Variants in VASP observed in about 807,000 individuals in gnomAD.
VASP encodes the protein vasodilator-stimulated phosphoprotein.
A neutral mutation model predicts 54.4 loss-of-function variants in VASP; 27 were observed. The observed-to-expected ratio is 0.50, with a 90% CI of 0.37 to 0.68. The LOEUF (loss-of-function observed/expected upper bound fraction) is 0.68, where lower values mean the gene tolerates loss of function less well. Ranked by LOEUF, VASP falls within the 30% of genes least tolerant of loss-of-function variation. VASP has a pLI of 0.00. For synonymous variants in VASP, 233 were observed against 209.8 expected, an observed-to-expected ratio of 1.11 and a Z score of -0.96; for missense variants, 488 against 528.3, an observed-to-expected ratio of 0.92 and a Z score of 0.75.
At position 45,522,412 on chromosome 19, in the gene VASP, CA is replaced by C; in HGVS notation, c.552del (p.Pro186GlnfsTer82). ...PGPPPPPGPP[P>X]PPGLPPSGVP... ...CCTCCCCCTCCTCCAGGTCCCCCCC[CA>C]CCCCCAGGTTTGCCCCCTTCGGGGG... is the stretch of plus-strand genomic sequence containing the variant. On this transcript the variant is annotated frameshift_variant, in exon 6 of 13. Transcript: ENST00000245932. LOFTEE classifies it high-confidence loss of function. 2 of 1,531,922 alleles carry C rather than the reference CA, an allele frequency of 1.3e-6. No individual in the cohort carries two copies. Among genetic ancestry groups the C allele is most frequent in the Non-Finnish European group, 1.8e-6 (2 of 1,137,418 alleles). The allele number at this position is 1,531,922 out of a possible 1,614,324, so 94.9% of individuals were successfully genotyped here.
chr19:45,516,592 TC>T (rs1009372300), intron 1 of VASP, among the ~76,000 whole-genome samples: 10 of 152,000 alleles, frequency 6.6e-5, no homozygotes, highest in African/African-American at 1.2e-4. Context: ...CTAACCCGCA[TC>T]CCCCCACTGG....
chr19:45,517,889 T>G, intron 2 of VASP, 40 bp from the exon 3 acceptor site: 1 of 583,698 alleles, frequency 1.7e-6, no homozygotes, highest in Non-Finnish European at 2.5e-6. Context: ...GCCCCACCCC[T>G]GCGCCCGCCG....
chr19:45,507,802 G>T lies in VASP; in HGVS notation c.5+26G>T. 1 of 1,227,676 alleles carries T rather than the reference G, an allele frequency of 8.1e-7. No individual in the cohort carries two copies. Among genetic ancestry groups the T allele is most frequent in the South Asian group, 1.7e-5 (1 of 57,572 alleles). 76.0% of individuals were successfully genotyped at this position (1,227,676 alleles called of 1,614,324 possible). A position where few individuals can be genotyped will look rare whatever the true frequency, so the allele number is the denominator to read the frequency against. On this transcript the variant is annotated intron_variant, in intron 1 of 12. Coordinates refer to ENST00000245932, the MANE Select transcript of VASP (RefSeq NM_003370.4). This position sits in a 1 kb window ranked among gnomAD's most constrained non-coding sequence, Gnocchi z 4.4. ...GTGAGCCGGACCTGCCCCCCGACCC[G>T]TCCCCGCCCGGGCGGGCTCCGCGCC...
intron 1 of VASP, among the ~76,000 whole-genome samples, chr19:45,517,058 T>G (rs1480774527): frequency 1.4e-5 from 2 of 147,704 alleles, no homozygotes; most frequent in Non-Finnish European, 3.0e-5. Flanking sequence ...CTTGGGAGGC[T>G]GAAGTGGGAG....
intron 1 of VASP, among the ~76,000 whole-genome samples, chr19:45,510,090 G>A (rs1346727832): frequency 6.6e-6 from 1 of 152,178 alleles, no homozygotes; most frequent in Non-Finnish European, 1.5e-5. Flanking sequence ...GACTTGGGGA[G>A]AACTGGGGTC....
At chr19:45,524,179 G>T (rs779791921) in intron 10 of VASP, 37 bp downstream of exon 10, 41 of 1,609,044 alleles carry the variant, frequency 2.5e-5, no homozygotes, top group Non-Finnish European at 3.3e-5. Flanking sequence ...GGGAGGTAAA[G>T]GCGGGCAGAT....
At chr19:45,514,742 G>A (rs1454319879) in intron 1 of VASP, among the ~76,000 whole-genome samples, 1 of 152,128 alleles carries the variant, frequency 6.6e-6, no homozygotes, top group Non-Finnish European at 1.5e-5. Flanking sequence ...TGGCAGGTGT[G>A]GGTGAGGCCG....
chr19:45,508,761 G>A (rs985878425), intron 1 of VASP, among the ~76,000 whole-genome samples: 2 of 152,164 alleles, frequency 1.3e-5, no homozygotes, highest in African/African-American at 4.8e-5. Context: ...CTTCCCTAGG[G>A]ACCCAGGCTT....
chr19:45,514,413 G>A (rs1968660724), intron 1 of VASP, among the ~76,000 whole-genome samples: 1 of 152,000 alleles, frequency 6.6e-6, no homozygotes, highest in Admixed American at 6.6e-5. Flanking sequence ...GAGATGGGGG[G>A]TCTCACTGTG....
At chr19:45,512,789 C>T (rs1340251541) in intron 1 of VASP, among the ~76,000 whole-genome samples, 6 of 151,626 alleles carry the variant, frequency 4.0e-5, no homozygotes. Context: ...TTAGTAGAGA[C>T]GGGGTTTCGC....
chr19:45,512,423 A>G (rs1051568272), intron 1 of VASP, among the ~76,000 whole-genome samples: 4 of 149,276 alleles, frequency 2.7e-5, no homozygotes, highest in African/African-American at 7.4e-5. Context: ...GAGTAGCTGG[A>G]ATTACAGGCA....
intron 1 of VASP, among the ~76,000 whole-genome samples, chr19:45,513,580 G>C (rs995807264): frequency 6.0e-5 from 9 of 149,554 alleles, no homozygotes; most frequent in Non-Finnish European, 1.0e-4. Context: ...TGATTCCCCT[G>C]CCTCAGCCTC....
chr19:45,507,786 A>G lies in VASP; in HGVS notation c.5+10A>G. Reference sequence around the variant, plus strand: ...GCCGAGCAGCCATGAGGTGAGCCGGACCTGCCCCCCGACCCGTCCCCGCCC... The same window carrying G: ...GCCGAGCAGCCATGAGGTGAGCCGGGCCTGCCCCCCGACCCGTCCCCGCCC... On this transcript the variant is annotated intron_variant, in intron 1 of 12. Coordinates refer to ENST00000245932, the MANE Select transcript of VASP (RefSeq NM_003370.4). This position sits in a 1 kb window ranked among gnomAD's most constrained non-coding sequence, Gnocchi z 4.4. 1 of 1,465,860 alleles carries G rather than the reference A, an allele frequency of 6.8e-7. No homozygotes were observed. The allele number at this position is 1,465,860 out of a possible 1,614,324, so 90.8% of individuals were successfully genotyped here.
intron 9 of VASP, 28 bp from the exon 10 acceptor site, chr19:45,524,069 A>T: frequency 6.2e-7 from 1 of 1,613,976 alleles, no homozygotes. Flanking sequence ...TTTGTCCCTG[A>T]TCTTTCTGAT....
chr19:45,524,620 C>A lies in VASP; in HGVS notation c.1007C>A (p.Pro336His), dbSNP rs754699666. 6.2e-7 allele frequency: 1 copy of A among 1,613,978 alleles called. No homozygotes were observed. The highest frequency in any genetic ancestry group is 8.5e-7 in the Non-Finnish European group (1 of 1,179,970). ...ACTTCCGAGACCCAACCCTGCACGC[C>A]CAGCTCCAGTGATTACTCGGACCTA... ...VTTSETQPCT[P>H]SSSDYSDLQR... The change falls in exon 11 of 13, where the codon CCC (proline) becomes CAC (histidine). Residue 336 changes from proline (P) to histidine (H), a missense_variant. By Grantham distance (77) the Pro-to-His change is moderately conservative (BLOSUM62 -2). Around this residue, in one of 4 missense-constraint regions of VASP, gnomAD observed 126 missense variants for 134.8 expected, o/e 0.94. Transcript: ENST00000245932.
At position 45,522,012 on chromosome 19, in the gene VASP, G is replaced by A. The variant is rs530781741; in HGVS notation, c.429-156G>A. 6.6e-5 allele frequency among the ~76,000 whole-genome samples: 10 copies of A among 152,200 alleles called. No homozygotes were observed. In the East Asian group the frequency reaches 1.4e-3, roughly 21 times the overall value. On this transcript the variant is annotated intron_variant, in intron 4 of 12. Coordinates refer to ENST00000245932, the MANE Select transcript of VASP (RefSeq NM_003370.4). ...CCTCCATTCCCCCTACTCTCACCCA[G>A]CCCCCTTCTTGGTTCCCTAGGGGAG...
rs1235389446 is a variant in VASP at position 45,507,741 on chromosome 19, C to T, written c.-31C>T. 6.6e-6 allele frequency: 10 copies of T among 1,511,440 alleles called. No homozygotes were observed. The East Asian group carries it at 2.4e-4, about 36-fold the overall frequency. 93.6% of individuals were successfully genotyped at this position (1,511,440 alleles called of 1,614,324 possible). ...AGGGGCGCCCCGGGAGCAGCCAGCC[C>T]GTGGGCGAGCCGCCCGCCCGCCGAG... On this transcript the variant is annotated 5_prime_UTR_variant, in exon 1 of 13. Transcript: ENST00000245932. The surrounding 1 kb of genome is among the most constrained non-coding windows in gnomAD (Gnocchi z 4.4).
chr19:45,526,076 C>T (rs1968959268), intron 12 of VASP, 64 bp from the exon 13 acceptor site: 25 of 1,613,486 alleles, frequency 1.5e-5, no homozygotes, highest in Non-Finnish European at 1.6e-5. Context: ...TGGGCAAGAG[C>T]CCTGTTTTGG....
intron 3 of VASP, among the ~76,000 whole-genome samples, chr19:45,518,468 A>C (rs1315174145): frequency 3.9e-5 from 6 of 152,096 alleles, no homozygotes; most frequent in Non-Finnish European, 8.8e-5. Flanking sequence ...ATGCTGAGGG[A>C]CGAGAAGTGT....
Sources: gnomAD v4.1 joint callset for allele counts (sites outside exome capture counted in the v4.1 genomes callset) on GRCh38, gnomAD v4.1.1 for gene constraint, gnomAD v4.1.1 regional missense constraint, Gnocchi (gnomAD v3.1) non-coding constraint, MANE v1.5 for transcripts, NCBI Gene and HGNC (gene_info 2026-07-23, HGNC 2026-07-21) for gene names.